Variants in KMT2E observed in about 807,000 individuals in gnomAD.
KMT2E encodes histone reader KMT2E.
A neutral mutation model predicts 184.6 loss-of-function variants in KMT2E; 30 were observed. That is an observed-to-expected ratio of 0.16 (90% confidence interval 0.12 to 0.22). The LOEUF is 0.22. KMT2E is among the 10% of genes least tolerant of loss of function. The pLI is 1.00. For synonymous variants in KMT2E, 815 were observed against 776.5 expected (o/e 1.05, Z -0.82); for missense variants, 2,023 against 2,237.4 (o/e 0.90, Z 1.93).
At chr7:105,104,125 A>C (rs1191834053) in intron 17 of KMT2E, 4 of 152,050 alleles carry the variant, frequency 2.6e-5, no homozygotes, top group Non-Finnish European at 5.9e-5. Flanking sequence ...ACACCCGGCC[A>C]TATTTTCTAT....
chr7:105,073,656 C>A lies in KMT2E; in HGVS notation c.535C>A (p.Arg179=). Residue 179 remains arginine (R), a synonymous_variant, in exon 7 of 27, where the codon CGG becomes AGG. Coordinates refer to ENST00000311117, the MANE Select transcript of KMT2E (RefSeq NM_182931.3). ...DKERAVLLQR[R]KRENMSDGDT... is the part of the protein sequence containing the mutation. ...AGAGAGGGCAGTGCTACTACAACGC[C>A]GGAAAAGGGAAAATATGTCAGGTAG... 1.2e-6 allele frequency: 2 copies of A among 1,604,290 alleles called. No individual in the cohort carries two copies. The highest frequency in any genetic ancestry group is 1.7e-6 in the Non-Finnish European group (2 of 1,172,300).
chr7:105,111,778 T>C (rs772899130), intron 26 of KMT2E, 47 bp from the exon 27 acceptor site: 1 of 1,547,670 alleles, frequency 6.5e-7, no homozygotes, highest in Non-Finnish European at 8.7e-7. Flanking sequence ...AACCTCAAGG[T>C]ACACAAAATG....
intron 13 of KMT2E, among the ~76,000 whole-genome samples, chr7:105,083,987 A>G (rs1431345935): frequency 6.6e-6 from 1 of 152,050 alleles, no homozygotes; most frequent in East Asian, 1.9e-4. Context: ...ACATATTAGG[A>G]TCTATAGCTA....
intron 3 of KMT2E, among the ~76,000 whole-genome samples, chr7:105,059,874 C>T (rs7785197): frequency 0.28 from 41,401 of 150,126 alleles, 8,314 homozygotes; most frequent in East Asian, 0.64. Context: ...TTTCTACAAT[C>T]AGCATGTATT....
intron 14 of KMT2E, 66 bp downstream of exon 14, chr7:105,090,339 CTT>C (rs1798149995): frequency 7.3e-6 from 11 of 1,496,700 alleles, no homozygotes; most frequent in Non-Finnish European, 9.9e-6. Flanking sequence ...ATTTTATCCT[CTT>C]CTTTGTTCTA....
chr7:105,057,732 G>A (rs766363455), intron 3 of KMT2E, among the ~76,000 whole-genome samples: 3 of 152,104 alleles, frequency 2.0e-5, no homozygotes, highest in Non-Finnish European at 2.9e-5. Context: ...GATCGTAAGC[G>A]TGAGCCACTG....
chr7:105,104,550 C>G (rs1343903736), intron 17 of KMT2E: 1 of 152,018 alleles, frequency 6.6e-6, no homozygotes, highest in Non-Finnish European at 1.5e-5. Flanking sequence ...AAAAAATTAG[C>G]TGGGCATGGT....
rs767867059 is a variant in KMT2E at position 105,062,165 on chromosome 7, C to T, written c.73C>T (p.Pro25Ser). The T allele has an allele frequency of 1.9e-6, 3 of 1,603,688 alleles. No individual in the cohort carries two copies. Among genetic ancestry groups the T allele is most frequent in the South Asian group, 1.1e-5 (1 of 90,356 alleles). The part of the protein sequence containing the change: ...SYLEMAAGSE[P>S]ESVEASPVVV... ...TTTGATGCAACTTTTTCCCCCCAGACCAGAATCCGTAGAAGCTAGCCCTGT... is the reference window on the plus strand; with the variant it reads ...TTTGATGCAACTTTTTCCCCCCAGATCAGAATCCGTAGAAGCTAGCCCTGT... The change falls in exon 4 of 27, where the codon CCA becomes TCA. Residue 25 changes from proline to serine, a missense_variant and splice_region_variant. By Grantham distance (74) the Pro-to-Ser change is moderately conservative. Around this residue, in one of 8 missense-constraint regions of KMT2E, gnomAD observed 63 missense variants for 68.9 expected, o/e 0.91. Coordinates refer to ENST00000311117, the MANE Select transcript of KMT2E (RefSeq NM_182931.3).
intron 15 of KMT2E, among the ~76,000 whole-genome samples, chr7:105,093,672 G>A (rs939869522): frequency 9.2e-5 from 14 of 151,914 alleles, no homozygotes; most frequent in African/African-American, 3.4e-4. Flanking sequence ...CAACAAGAGC[G>A]AAACTCCATC....
At chr7:105,052,164 C>A (rs150173812) in intron 3 of KMT2E, among the ~76,000 whole-genome samples, 1 of 152,206 alleles carries the variant, frequency 6.6e-6, no homozygotes, top group South Asian at 2.1e-4. Context: ...TCTCGTCTCA[C>A]TATTCTCTTA....
At chr7:105,063,900 C>G in intron 5 of KMT2E, 1 of 450,392 alleles carries the variant, frequency 2.2e-6, no homozygotes, top group Admixed American at 2.7e-5. Context: ...AGAATTTAGT[C>G]TTTTGTATTT....
chr7:105,077,700 C>A (rs571413837), intron 11 of KMT2E: 14 of 334,530 alleles, frequency 4.2e-5, no homozygotes, highest in Admixed American at 1.4e-4. Context: ...CAAAGATTAA[C>A]CAACAGCAAT....
chr7:105,068,632 T>G (rs947750889), intron 6 of KMT2E, among the ~76,000 whole-genome samples: 39 of 135,620 alleles, frequency 2.9e-4, no homozygotes, highest in African/African-American at 8.1e-4. Context: ...TGGTTTTTTT[T>G]TTTTTTGTTT....
At chr7:105,086,767 A>T (rs1475344321) in intron 13 of KMT2E, among the ~76,000 whole-genome samples, 1 of 130,418 alleles carries the variant, frequency 7.7e-6, no homozygotes, top group East Asian at 3.1e-4. Context: ...TAAAAATATA[A>T]ATATATATAA....
intron 26 of KMT2E, 172 bp downstream of exon 26, chr7:105,111,040 C>T (rs908687281): frequency 3.3e-6 from 2 of 598,710 alleles, no homozygotes; most frequent in South Asian, 2.1e-5. Context: ...GTTCTTCTTA[C>T]TGAACATGTG....
At chr7:105,038,708 T>C (rs904439853) in intron 2 of KMT2E, among the ~76,000 whole-genome samples, 1 of 152,118 alleles carries the variant, frequency 6.6e-6, no homozygotes, top group African/African-American at 2.4e-5. Context: ...TCACATCTTT[T>C]CTGCTTGCTA....
At chr7:105,092,941 C>T (rs972022432) in intron 15 of KMT2E, among the ~76,000 whole-genome samples, 1 of 152,126 alleles carries the variant, frequency 6.6e-6, no homozygotes, top group Non-Finnish European at 1.5e-5. Context: ...CACCTGTAAT[C>T]CCAGCACTTT....
chr7:105,026,851 A>G (rs1795194978), intron 1 of KMT2E, among the ~76,000 whole-genome samples: 1 of 152,192 alleles, frequency 6.6e-6, no homozygotes, highest in South Asian at 2.1e-4. Context: ...TTTTGTCGAC[A>G]TAGCTTAAAA....
At chr7:105,035,831 T>C (rs1363885425) in intron 1 of KMT2E, among the ~76,000 whole-genome samples, 1 of 152,142 alleles carries the variant, frequency 6.6e-6, no homozygotes, top group Admixed American at 6.5e-5. Context: ...AGTGCTGGGA[T>C]TACAGATGTG....
Sources: allele counts gnomAD v4.1 joint callset (sites outside exome capture counted in the v4.1 genomes callset), GRCh38; gene constraint gnomAD v4.1.1; regional missense constraint gnomAD v4.1.1; transcripts MANE v1.5; gene names NCBI Gene and HGNC (gene_info 2026-07-23, HGNC 2026-07-21).